SETD7: variants seen among roughly 807,000 people sequenced by gnomAD.
The protein encoded by SETD7 is histone-lysine N-methyltransferase SETD7.
A neutral mutation model predicts 41.8 loss-of-function variants in SETD7; 16 were observed. The observed-to-expected ratio is 0.38, with a 90% confidence interval of 0.26 to 0.58. The LOEUF (loss-of-function observed/expected upper bound fraction) is 0.58, where lower values mean the gene tolerates loss of function less well. Among genes scored for constraint, SETD7 ranks in the 20% least tolerant of loss-of-function variants. The pLI, the probability that SETD7 is intolerant of heterozygous loss-of-function variation, is 0.64. For missense variants in SETD7, 346 were observed against 459.7 expected, an observed-to-expected ratio of 0.75 and a Z score of 2.26; for synonymous variants, 163 against 169.7, an observed-to-expected ratio of 0.96 and a Z score of 0.31.
chr4:139,511,740 G>T lies in SETD7; in HGVS notation c.1024C>A (p.Pro342Thr), dbSNP rs750108285. The T allele has an allele frequency of 3.7e-6, 6 of 1,614,144 alleles. No homozygotes were observed. Among genetic ancestry groups the T allele is most frequent in the Non-Finnish European group, 5.1e-6 (6 of 1,179,998 alleles). Reference protein sequence around the residue: ...TVAYGYDHSPPGKSGPEAPEW... With the variant: ...TVAYGYDHSPTGKSGPEAPEW... The stretch of plus-strand genomic sequence containing the variant: ...GGGGCTTCAGGCCCACTCTTCCCGG[G>T]GGGGCTGTGGTCATAGCCATAGGCA... Residue 342 changes from proline to threonine, a missense_variant, in exon 8 of 8, where the codon CCC becomes ACC. Around this residue, in one of 3 missense-constraint regions of SETD7, gnomAD observed 75 missense variants for 65.5 expected, o/e 1.14. Transcript: ENST00000274031.
chr4:139,515,189 A>G (rs1002624324), intron 7 of SETD7, among the ~76,000 whole-genome samples: 9 of 135,964 alleles, frequency 6.6e-5, no homozygotes, highest in East Asian at 2.2e-4. Flanking sequence ...AAAAAAAAAA[A>G]GGGTACATAT....
At chr4:139,494,341 T>C (rs555044401), downstream of SETD7, among the ~76,000 whole-genome samples, 2 of 152,304 alleles carry the variant, frequency 1.3e-5, no homozygotes, top group South Asian at 2.1e-4. Flanking sequence ...TGGTCACACA[T>C]GTCCTGCTGT....
Position 139,520,353 on chromosome 4 carries a change from C to T in SETD7, c.686G>A (p.Gly229Glu). ...AESLISSAGE[G>E]LFSKVAVGPN... ...TCCCACAGCTACCTTTGAAAAAAGT[C>T]CTTCTCCAGCACTGGAAATAAGAGA... Residue 229 changes from glycine to glutamate, a missense_variant, in exon 6 of 8, where the codon GGA (glycine) becomes GAA (glutamate). Around this residue, in one of 3 missense-constraint regions of SETD7, gnomAD observed 266 missense variants for 377.0 expected, o/e 0.71. Coordinates refer to ENST00000274031, the MANE Select transcript of SETD7 (RefSeq NM_030648.4). 6.2e-7 allele frequency: 1 copy of T among 1,609,906 alleles called. No homozygotes were observed. Among genetic ancestry groups the T allele is most frequent in the Non-Finnish European group, 8.5e-7 (1 of 1,178,012 alleles).
chr4:139,522,907 T>C (rs1727222879), intron 5 of SETD7, among the ~76,000 whole-genome samples: 1 of 151,958 alleles, frequency 6.6e-6, no homozygotes. Context: ...GTATACGCCA[T>C]GACACCCAGC....
chr4:139,532,285 A>T (rs1314847840), intron 3 of SETD7, among the ~76,000 whole-genome samples: 2 of 152,006 alleles, frequency 1.3e-5, no homozygotes, highest in South Asian at 4.1e-4. Context: ...GAAAACACAA[A>T]AATATTAGCC....
downstream of SETD7, among the ~76,000 whole-genome samples, chr4:139,504,892 A>G (rs75525621): frequency 4.1e-3 from 631 of 152,250 alleles, 10 homozygotes; most frequent in Non-Finnish European, 4.8e-3. Context: ...TCTGTATTAA[A>G]TTTTTAATCC....
chr4:139,530,938 T>C (rs1727467127), intron 3 of SETD7, among the ~76,000 whole-genome samples: 1 of 152,108 alleles, frequency 6.6e-6, no homozygotes, highest in South Asian at 2.1e-4. Flanking sequence ...TATGGCCCAT[T>C]ACAGAAATTT....
intron 4 of SETD7, among the ~76,000 whole-genome samples, chr4:139,523,994 A>G (rs1727249978): frequency 6.6e-6 from 1 of 152,198 alleles, no homozygotes; most frequent in African/African-American, 2.4e-5. Context: ...CAAGGCACAC[A>G]ACCACCCTAG....
In SETD7 at chr4:139,520,374, A is replaced by T. The variant is rs746687926; in HGVS notation, c.665T>A (p.Leu222His). The T allele has an allele frequency of 3.7e-6, 6 of 1,605,960 alleles. No individual in the cohort carries two copies. The South Asian group carries it at 6.7e-5, about 18-fold the overall frequency. The change falls in exon 6 of 8, where the codon CTT becomes CAT. Residue 222 changes from leucine (L) to histidine (H), a missense_variant. This residue lies in a region of SETD7 where 266 missense variants were observed against 377.0 expected (regional missense o/e 0.71). Transcript: ENST00000274031. ...AAGTCCTTCTCCAGCACTGGAAATA[A>T]GAGATTCAGCAACATAAACCCTAAA... ...ESERVYVAES[L>H]ISSAGEGLFS...
downstream of SETD7, among the ~76,000 whole-genome samples, chr4:139,501,958 G>A (rs1485803744): frequency 6.6e-6 from 1 of 152,228 alleles, no homozygotes; most frequent in Non-Finnish European, 1.5e-5. Flanking sequence ...AGCAGGCGGA[G>A]CAAAGTTAGT....
At chr4:139,524,795 G>A (rs1331256587) in intron 4 of SETD7, among the ~76,000 whole-genome samples, 2 of 152,112 alleles carry the variant, frequency 1.3e-5, no homozygotes, top group Admixed American at 6.6e-5. Flanking sequence ...AGCAATCCAC[G>A]AAAAGCATTT....
downstream of SETD7, among the ~76,000 whole-genome samples, chr4:139,493,995 C>T (rs1200925730): frequency 6.6e-6 from 1 of 152,152 alleles, no homozygotes; most frequent in African/African-American, 2.4e-5. Flanking sequence ...CTCTCGTTGG[C>T]CAAAACTGAA....
At chr4:139,525,859 A>G (rs1208842947) in intron 4 of SETD7, among the ~76,000 whole-genome samples, 1 of 152,196 alleles carries the variant, frequency 6.6e-6, no homozygotes, top group Non-Finnish European at 1.5e-5. Context: ...AGATCGGTCT[A>G]TAGGATCTTC....
chr4:139,494,922 T>G (rs1301689166), downstream of SETD7, among the ~76,000 whole-genome samples: 1 of 152,244 alleles, frequency 6.6e-6, no homozygotes, highest in Non-Finnish European at 1.5e-5. Context: ...GGAATGCACA[T>G]GAAATTCTAC....
chr4:139,531,189 A>G (rs1240829454), intron 3 of SETD7, among the ~76,000 whole-genome samples: 1 of 152,172 alleles, frequency 6.6e-6, no homozygotes, highest in African/African-American at 2.4e-5. Context: ...TAATATGATA[A>G]TCAAGGCTAA....
At chr4:139,498,468 C>T (rs901587470) in intron 7 of SETD7, among the ~76,000 whole-genome samples, 1 of 152,220 alleles carries the variant, frequency 6.6e-6, no homozygotes, top group Non-Finnish European at 1.5e-5. Flanking sequence ...GCAGACACCA[C>T]AATACAGGTT....
rs979514295 is a variant in SETD7, at chr4:139,537,661, TCCC to T, written c.171-4298_171-4296del. Reference sequence around the variant, plus strand: ...AAATTAGGAAATATGCATCCACGTATCCCCCCAACATATAAACTTCATGTTGAT... The same window carrying T: ...AAATTAGGAAATATGCATCCACGTATCCCAACATATAAACTTCATGTTGAT... On this transcript the variant is annotated intron_variant, in intron 2 of 7. Transcript: ENST00000274031. 2.0e-5 allele frequency among the ~76,000 whole-genome samples: 3 copies of T among 152,158 alleles called. No individual in the cohort carries two copies. The East Asian group carries it at 5.8e-4, about 29-fold the overall frequency.
intron 5 of SETD7, among the ~76,000 whole-genome samples, chr4:139,522,694 A>T (rs1226221752): frequency 6.7e-6 from 1 of 149,730 alleles, no homozygotes; most frequent in African/African-American, 2.5e-5. Context: ...GACCCTAAGA[A>T]CGGGAATGCT....
At chr4:139,534,828 CTCTG>C (rs1353070588) in intron 2 of SETD7, among the ~76,000 whole-genome samples, 4 of 152,296 alleles carry the variant, frequency 2.6e-5, no homozygotes, top group South Asian at 2.1e-4. Flanking sequence ...CTGCACCTGA[CTCTG>C]TCTGGTAAAG....
Sources: allele counts gnomAD v4.1 joint callset (sites outside exome capture counted in the v4.1 genomes callset), GRCh38; gene constraint gnomAD v4.1.1; regional missense constraint gnomAD v4.1.1; transcripts MANE v1.5; gene names NCBI Gene and HGNC (gene_info 2026-07-23, HGNC 2026-07-21).